VPS13D: variants seen among roughly 807,000 people sequenced by gnomAD.
VPS13D encodes the protein vacuolar protein sorting 13 homolog D.
A neutral mutation model predicts 461.9 loss-of-function variants in VPS13D; 187 were observed. The ratio of observed to expected loss-of-function variants is 0.40; its 90% CI spans 0.36 to 0.46. The LOEUF (loss-of-function observed/expected upper bound fraction) is 0.46. VPS13D is among the 20% of genes least tolerant of loss of function. VPS13D has a pLI of 0.60. For synonymous variants in VPS13D, 1,951 were observed against 1,986.3 expected (o/e 0.98, Z 0.47); for missense variants, 4,711 against 5,364.9 (o/e 0.88, Z 3.81).
chr1:12,252,334 A>G (rs1640759900), intron 6 of VPS13D, among the ~76,000 whole-genome samples: 1 of 152,128 alleles, frequency 6.6e-6, no homozygotes, highest in African/African-American at 2.4e-5. Flanking sequence ...ACATGTACCA[A>G]TACTGCCCCC....
intron 67 of VPS13D, among the ~76,000 whole-genome samples, chr1:12,467,663 T>C (rs1404135938): frequency 6.6e-6 from 1 of 152,192 alleles, no homozygotes; most frequent in East Asian, 1.9e-4. Context: ...ACATAACTTA[T>C]GGAAAGCTCA....
intron 3 of VPS13D, 78 bp downstream of exon 3, chr1:12,242,668 T>C: frequency 7.7e-7 from 1 of 1,293,000 alleles, no homozygotes; most frequent in Non-Finnish European, 1.1e-6. Context: ...CCCTGGAGTT[T>C]GTATTGATTT....
chr1:12,321,860 G>A lies in VPS13D; in HGVS notation c.7600G>A (p.Asp2534Asn), dbSNP rs201383231. The change falls in exon 33 of 70, where the codon GAT becomes AAT. Residue 2534 changes from aspartate (D) to asparagine (N), a missense_variant. Around this residue, in one of 3 missense-constraint regions of VPS13D, gnomAD observed 4,411 missense variants for 4,937.8 expected, o/e 0.89. Coordinates refer to ENST00000620676, the MANE Select transcript of VPS13D (RefSeq NM_015378.4). ...NEHDTALSIVDPVQIQMELVG... is the reference protein window; with the variant it reads ...NEHDTALSIVNPVQIQMELVG... ...GCATGATACAGCTCTTTCAATTGTGGATCCCGTACAAATTCAAATGGAGTT... is the reference window on the plus strand; with the variant it reads ...GCATGATACAGCTCTTTCAATTGTGAATCCCGTACAAATTCAAATGGAGTT... 2.0e-5 allele frequency: 32 copies of A among 1,612,468 alleles called. No homozygotes were observed. In the Admixed American group the frequency reaches 3.5e-4, roughly 18 times the overall value.
chr1:12,346,877 A>G (rs144183517), intron 44 of VPS13D, among the ~76,000 whole-genome samples: 2,095 of 152,344 alleles, frequency 0.014, 27 homozygotes, highest in Middle Eastern at 0.02. Flanking sequence ...AGGGAAGGAG[A>G]AGGAAAAGGC....
In VPS13D at chr1:12,356,392, C is replaced by T. The variant is rs1280065237; in HGVS notation, c.9872-6C>T. The T allele has an allele frequency of 6.2e-7, 1 of 1,612,148 alleles. No individual in the cohort carries two copies. Among genetic ancestry groups the T allele is most frequent in the Admixed American group, 1.7e-5 (1 of 59,656 alleles). ...ATTGATGTAAACTTTTCTCTCCTTC[C>T]TAAAGGGTTGCCACTGATCTTCAGA... On this transcript the variant is annotated splice_region_variant and splice_polypyrimidine_tract_variant and intron_variant, in intron 48 of 69. Coordinates refer to ENST00000620676, the MANE Select transcript of VPS13D (RefSeq NM_015378.4).
chr1:12,239,330 G>A (rs1201840412), intron 2 of VPS13D, among the ~76,000 whole-genome samples: 1 of 152,184 alleles, frequency 6.6e-6, no homozygotes, highest in Non-Finnish European at 1.5e-5. Context: ...GTAGAGATGG[G>A]GTTTTACCAT....
intron 50 of VPS13D, among the ~76,000 whole-genome samples, chr1:12,361,270 G>A (rs1643942611): frequency 6.6e-6 from 1 of 151,900 alleles, no homozygotes; most frequent in Non-Finnish European, 1.5e-5. Flanking sequence ...TTTTATCAAT[G>A]GGTGACCAGA....
At chr1:12,352,263 C>T (rs1471521525) in intron 46 of VPS13D, among the ~76,000 whole-genome samples, 2 of 152,054 alleles carry the variant, frequency 1.3e-5, no homozygotes, top group Non-Finnish European at 2.9e-5. Flanking sequence ...TGCACTCCAG[C>T]TTGGGTGACA....
At chr1:12,424,232 C>T (rs549932233) in intron 65 of VPS13D, among the ~76,000 whole-genome samples, 6 of 152,192 alleles carry the variant, frequency 3.9e-5, no homozygotes, top group South Asian at 2.1e-4. Flanking sequence ...ATAAGTCACC[C>T]GAGGGATTTC....
At chr1:12,324,841 T>G (rs895136833) in intron 35 of VPS13D, among the ~76,000 whole-genome samples, 2 of 152,216 alleles carry the variant, frequency 1.3e-5, no homozygotes, top group African/African-American at 4.8e-5. Flanking sequence ...TTCACAGCCC[T>G]TGGAGGCAGA....
chr1:12,232,637 CTTTTTTTTTTTTTT>C (rs772757546), intron 1 of VPS13D, among the ~76,000 whole-genome samples: 1 of 71,022 alleles, frequency 1.4e-5, no homozygotes, highest in Non-Finnish European at 2.7e-5. Context: ...TAAAATTAGT[CTTTTTTTTTTTTTT>C]TTTTTTTTTT....
chr1:12,378,411 T>C lies in VPS13D; in HGVS notation c.10918-17T>C. On this transcript the variant is annotated splice_polypyrimidine_tract_variant and intron_variant, in intron 55 of 69. Coordinates refer to ENST00000620676, the MANE Select transcript of VPS13D (RefSeq NM_015378.4). Reference sequence around the variant, plus strand: ...CCATAATGGCTCTTTCTCTTTTTGCTTGTACCTACTTAACAGGAACCAGGA... The same window carrying C: ...CCATAATGGCTCTTTCTCTTTTTGCCTGTACCTACTTAACAGGAACCAGGA... 3 of 1,581,700 alleles carry C rather than the reference T, an allele frequency of 1.9e-6. No homozygotes were observed. Among genetic ancestry groups the C allele is most frequent in the Non-Finnish European group, 2.6e-6 (3 of 1,164,642 alleles).
Position 12,354,191 on chromosome 1 carries a change from A to T in VPS13D, c.9649A>T (p.Thr3217Ser). The T allele has an allele frequency of 6.2e-7, 1 of 1,614,204 alleles. No individual in the cohort carries two copies. Among genetic ancestry groups the T allele is most frequent in the Non-Finnish European group, 8.5e-7 (1 of 1,180,038 alleles). The change falls in exon 47 of 70, where the codon ACA (threonine) becomes TCA (serine). Residue 3217 changes from threonine to serine, a missense_variant. By Grantham distance (58) the Thr-to-Ser change is moderately conservative. This residue lies in a region of VPS13D where 4,411 missense variants were observed against 4,937.8 expected (regional missense o/e 0.89). Coordinates refer to ENST00000620676, the MANE Select transcript of VPS13D (RefSeq NM_015378.4). ...ACCTGGCAAGGAGGCAGCTCTCCAT[A>T]CAGCTGATACATCCCAGAACATTGA... ...LKPGKEAALH[T>S]ADTSQNIELG...
chr1:12,366,638 G>A (rs983206185), intron 52 of VPS13D, among the ~76,000 whole-genome samples: 1 of 152,254 alleles, frequency 6.6e-6, no homozygotes, highest in African/African-American at 2.4e-5. Flanking sequence ...CTTTTAAAAT[G>A]GTTTTAACGG....
intron 63 of VPS13D, among the ~76,000 whole-genome samples, chr1:12,413,059 C>G (rs571868338): frequency 6.6e-6 from 1 of 152,328 alleles, no homozygotes; most frequent in East Asian, 1.9e-4. Flanking sequence ...CTTAATCTCA[C>G]TTCTCAACTG....
At chr1:12,356,794 C>T (rs191656369) in intron 49 of VPS13D, among the ~76,000 whole-genome samples, 113 of 152,266 alleles carry the variant, frequency 7.4e-4, no homozygotes, top group Admixed American at 2.7e-3. Flanking sequence ...ACTCTGCCAA[C>T]GAAGAGAAAG....
At chr1:12,460,172 G>A (rs1243393347) in intron 66 of VPS13D, 29 bp from the exon 67 acceptor site, 3 of 1,534,300 alleles carry the variant, frequency 2.0e-6, no homozygotes, top group Admixed American at 4.1e-5. Context: ...TCCTCGTCAG[G>A]TTACAACAGC....
intron 46 of VPS13D, 30 bp from the exon 47 acceptor site, chr1:12,353,944 G>A: frequency 6.2e-7 from 1 of 1,602,704 alleles, no homozygotes; most frequent in Non-Finnish European, 8.5e-7. Flanking sequence ...CATTAAGTCT[G>A]ATGATTTTTA....
chr1:12,433,299 A>C (rs923806314), intron 65 of VPS13D, among the ~76,000 whole-genome samples: 7 of 151,918 alleles, frequency 4.6e-5, no homozygotes, highest in African/African-American at 1.4e-4. Flanking sequence ...ACAACAAAAC[A>C]GTAGACCAAA....
Sources: allele counts gnomAD v4.1 joint callset (sites outside exome capture counted in the v4.1 genomes callset), GRCh38; gene constraint gnomAD v4.1.1; regional missense constraint gnomAD v4.1.1; transcripts MANE v1.5; gene names NCBI Gene and HGNC (gene_info 2026-07-23, HGNC 2026-07-21).